RAPGEF6: variants seen among roughly 807,000 people sequenced by gnomAD.
RAPGEF6 encodes the protein Rap guanine nucleotide exchange factor 6.
A neutral mutation model predicts 171.4 loss-of-function variants in RAPGEF6; 56 were observed. The observed-to-expected ratio is 0.33, with a 90% CI of 0.26 to 0.41. The LOEUF (loss-of-function observed/expected upper bound fraction) is 0.41, where lower values mean the gene tolerates loss of function less well. Ranked by LOEUF, RAPGEF6 falls within the 10% of genes least tolerant of loss-of-function variation. The probability of loss-of-function intolerance (pLI) is 1.00; values close to 1 mark genes in which losing one functional copy is unlikely to be tolerated. For synonymous variants in RAPGEF6, 692 were observed against 650.1 expected (o/e 1.06, Z -0.98); for missense variants, 1,674 against 1,921.4 (o/e 0.87, Z 2.41).
rs187240567 is a variant in RAPGEF6 at position 131,479,506 on chromosome 5, T to C, written c.2081+7A>G. On this transcript the variant is annotated splice_region_variant and intron_variant, in intron 16 of 27. Transcript: ENST00000509018. ...ATTCCTGCATAGCTAAGATCGGCATTACCTACCTAAATAGCTTTGGAGGCA... is the reference window on the plus strand; with the variant it reads ...ATTCCTGCATAGCTAAGATCGGCATCACCTACCTAAATAGCTTTGGAGGCA... 14 of 1,613,540 alleles carry C rather than the reference T, an allele frequency of 8.7e-6. No individual in the cohort carries two copies. In the East Asian group the frequency reaches 2.7e-4, roughly 31 times the overall value.
chr5:131,575,256 C>T (rs1024910681), intron 4 of RAPGEF6, among the ~76,000 whole-genome samples: 1 of 152,174 alleles, frequency 6.6e-6, no homozygotes. Flanking sequence ...GCCCCCATTA[C>T]TTTAGTCAAG....
At chr5:131,487,227 G>C (rs764879636) in intron 15 of RAPGEF6, among the ~76,000 whole-genome samples, 2 of 152,228 alleles carry the variant, frequency 1.3e-5, no homozygotes, top group Non-Finnish European at 1.5e-5. Flanking sequence ...CCTTCGCGGC[G>C]AGTGTTACAG....
At chr5:131,513,659 T>C (rs943643538) in intron 7 of RAPGEF6, among the ~76,000 whole-genome samples, 1 of 152,152 alleles carries the variant, frequency 6.6e-6, no homozygotes, top group African/African-American at 2.4e-5. Flanking sequence ...AAAGAACTTT[T>C]TTAGGAACCT....
intron 14 of RAPGEF6, 105 bp downstream of exon 14, chr5:131,492,477 A>T (rs1424407851): frequency 8.6e-7 from 1 of 1,156,082 alleles, no homozygotes; most frequent in East Asian, 2.4e-5. Context: ...AGGCTCAGAA[A>T]AATATTTCCT....
At chr5:131,535,266 A>G (rs1561543574) in intron 6 of RAPGEF6, among the ~76,000 whole-genome samples, 1 of 152,158 alleles carries the variant, frequency 6.6e-6, no homozygotes, top group Non-Finnish European at 1.5e-5. Flanking sequence ...GCCAAATTCC[A>G]TACTCAACAC....
chr5:131,548,203 T>A lies in RAPGEF6; in HGVS notation c.352-13A>T. The A allele has an allele frequency of 6.2e-7, 1 of 1,611,880 alleles. No homozygotes were observed. On this transcript the variant is annotated splice_polypyrimidine_tract_variant and intron_variant, in intron 5 of 27. Coordinates refer to ENST00000509018, the MANE Select transcript of RAPGEF6 (RefSeq NM_016340.6). ...TGGCATTCTCTACCTGAAACACATG[T>A]TCATATTCCTGATGAAATATCAAAT...
intron 13 of RAPGEF6, among the ~76,000 whole-genome samples, chr5:131,493,007 T>G (rs1266192538): frequency 6.6e-6 from 1 of 152,174 alleles, no homozygotes; most frequent in Non-Finnish European, 1.5e-5. Context: ...CCAAGTGATG[T>G]CTCATTTACA....
intron 10 of RAPGEF6, 58 bp from the exon 11 acceptor site, chr5:131,504,836 A>G (rs1325878334): frequency 1.4e-6 from 2 of 1,470,998 alleles, no homozygotes; most frequent in Admixed American, 2.2e-5. Context: ...ATATATCACT[A>G]TGTACCAATG....
At chr5:131,507,854 T>C (rs1018258230) in intron 9 of RAPGEF6, among the ~76,000 whole-genome samples, 2 of 152,312 alleles carry the variant, frequency 1.3e-5, no homozygotes, top group South Asian at 4.1e-4. Context: ...ACTGACTTTG[T>C]GCAGAGTCTA....
chr5:131,435,938 A>G (rs1434652788), intron 24 of RAPGEF6: 1 of 1,511,970 alleles, frequency 6.6e-7, no homozygotes. Context: ...CTAAAATTAA[A>G]TAAGGAACTT....
chr5:131,555,662 A>C (rs532581497), intron 5 of RAPGEF6, among the ~76,000 whole-genome samples: 1 of 152,106 alleles, frequency 6.6e-6, no homozygotes, highest in South Asian at 2.1e-4. Flanking sequence ...TAATTGCTTT[A>C]AATTAACAAA....
intron 12 of RAPGEF6, 140 bp downstream of exon 12, chr5:131,498,303 A>C: frequency 1.3e-6 from 1 of 785,544 alleles, no homozygotes. Context: ...GAGAATGTTT[A>C]TACTGATGGT....
chr5:131,558,839 T>C (rs1490959045), intron 5 of RAPGEF6, among the ~76,000 whole-genome samples: 1 of 152,180 alleles, frequency 6.6e-6, no homozygotes, highest in African/African-American at 2.4e-5. Context: ...ATTTTGAGAC[T>C]TGCTTTATGT....
At chr5:131,532,131 A>G (rs1302061147) in intron 6 of RAPGEF6, 1 of 453,604 alleles carries the variant, frequency 2.2e-6, no homozygotes, top group East Asian at 7.0e-5. Flanking sequence ...GACAATTGGC[A>G]TAACAGCGAA....
chr5:131,626,067 T>G (rs1765910404), intron 1 of RAPGEF6, among the ~76,000 whole-genome samples: 1 of 152,174 alleles, frequency 6.6e-6, no homozygotes, highest in African/African-American at 2.4e-5. Flanking sequence ...TCTCCTTTAT[T>G]TATAAGATGG....
At chr5:131,502,739 A>T (rs1757107078) in intron 11 of RAPGEF6, among the ~76,000 whole-genome samples, 1 of 152,248 alleles carries the variant, frequency 6.6e-6, no homozygotes, top group Non-Finnish European at 1.5e-5. Flanking sequence ...CTAGACCAGA[A>T]GTAAGTTATT....
At chr5:131,463,532 T>A (rs1345382722) in intron 18 of RAPGEF6, 1 of 265,934 alleles carries the variant, frequency 3.8e-6, no homozygotes, top group African/African-American at 2.5e-5. Context: ...TGAGCTGAGA[T>A]CGCGCCACTG....
At chr5:131,558,842 C>T (rs1761410860) in intron 5 of RAPGEF6, among the ~76,000 whole-genome samples, 1 of 151,914 alleles carries the variant, frequency 6.6e-6, no homozygotes, top group African/African-American at 2.4e-5. Flanking sequence ...TTGAGACTTG[C>T]TTTATGTCCC....
chr5:131,443,840 G>A (rs1752529014), intron 22 of RAPGEF6, among the ~76,000 whole-genome samples: 1 of 152,116 alleles, frequency 6.6e-6, no homozygotes, highest in African/African-American at 2.4e-5. Context: ...ATGCTTAATG[G>A]GTATTTGTTG....
Sources: gnomAD v4.1 joint callset for allele counts (sites outside exome capture counted in the v4.1 genomes callset) on GRCh38, gnomAD v4.1.1 for gene constraint, MANE v1.5 for transcripts, NCBI Gene and HGNC (gene_info 2026-07-23, HGNC 2026-07-21) for gene names.